PPP2R2B: variants seen among roughly 807,000 people sequenced by gnomAD.
PPP2R2B encodes the protein serine/threonine-protein phosphatase 2A 55 kDa regulatory subunit B beta isoform.
In PPP2R2B, 5 loss-of-function variants were observed where a neutral mutation model predicts 46.0. That is an observed-to-expected ratio of 0.11 (90% CI 0.06 to 0.23). The LOEUF is 0.23. Among genes scored for constraint, PPP2R2B ranks in the 10% least tolerant of loss-of-function variants. PPP2R2B has a pLI of 1.00. For synonymous variants in PPP2R2B, 215 were observed against 206.7 expected (o/e 1.04, Z -0.34); for missense variants, 367 against 575.0 (o/e 0.64, Z 3.70).
intron 2 of PPP2R2B, among the ~76,000 whole-genome samples, chr5:146,830,630 T>C (rs528846076): frequency 7.2e-4 from 110 of 151,996 alleles, no homozygotes; most frequent in African/African-American, 2.6e-3. Context: ...GTTCAAACAT[T>C]CTTGGCTAAT....
chr5:147,014,590 C>T (rs532910314), intron 1 of PPP2R2B, among the ~76,000 whole-genome samples: 7,312 of 152,112 alleles, frequency 0.048, 232 homozygotes, highest in Middle Eastern at 0.085. Context: ...TTTGCAGGGA[C>T]ATGGATGAAA....
intron 5 of PPP2R2B, among the ~76,000 whole-genome samples, chr5:146,675,882 G>A (rs988498884): frequency 2.6e-5 from 4 of 151,846 alleles, no homozygotes; most frequent in African/African-American, 7.3e-5. Flanking sequence ...TTTATATGTC[G>A]TAAGCAGTTC....
chr5:146,701,556 G>T (rs1779538211), intron 2 of PPP2R2B, among the ~76,000 whole-genome samples: 1 of 152,176 alleles, frequency 6.6e-6, no homozygotes, highest in African/African-American at 2.4e-5. Flanking sequence ...AGGGCTGGGG[G>T]CTGTGATGAA....
chr5:146,774,524 GAAT>G lies in PPP2R2B; in HGVS notation c.71-73385_71-73383del, dbSNP rs535533911. The stretch of plus-strand genomic sequence containing the variant: ...ACAGAAAAAAAAAATGGATGTAAGA[GAAT>G]ATTATAAGGCTGGGTGTGGTGACTC... On this transcript the variant is annotated intron_variant, in intron 2 of 9. Coordinates refer to ENST00000394411, the MANE Select transcript of PPP2R2B (RefSeq NM_181675.4). Among the ~76,000 whole-genome samples, 627 of 152,090 alleles carry G rather than the reference GAAT, an allele frequency of 4.1e-3. 3 individuals are homozygous for G. The highest frequency in any genetic ancestry group is 6.9e-3 in the Non-Finnish European group (469 of 67,974).
chr5:146,669,362 G>A (rs1441721388), intron 5 of PPP2R2B, among the ~76,000 whole-genome samples: 2 of 152,106 alleles, frequency 1.3e-5, no homozygotes, highest in African/African-American at 4.8e-5. Flanking sequence ...CCAATGGTCT[G>A]GGTGGATCTC....
chr5:146,878,888 C>T, upstream of PPP2R2B: 1 of 1,150,702 alleles, frequency 8.7e-7, no homozygotes, highest in Non-Finnish European at 1.1e-6. This position sits in a 1 kb window ranked among gnomAD's most constrained non-coding sequence, Gnocchi z 4.5. Flanking sequence ...TGCAGTGGGG[C>T]GCATGCAGCC....
intron 2 of PPP2R2B, among the ~76,000 whole-genome samples, chr5:146,755,598 A>T (rs1345547491): frequency 6.6e-6 from 1 of 152,238 alleles, no homozygotes; most frequent in African/African-American, 2.4e-5. Flanking sequence ...GAGCATCCAA[A>T]TTATTTTGAA....
intron 7 of PPP2R2B, among the ~76,000 whole-genome samples, chr5:146,616,640 T>C (rs535020027): frequency 1.3e-5 from 2 of 152,304 alleles, no homozygotes; most frequent in East Asian, 3.9e-4. Flanking sequence ...TCAACATCAC[T>C]GATCATTAGA....
At chr5:146,603,705 A>G (rs1393194713) in intron 7 of PPP2R2B, among the ~76,000 whole-genome samples, 1 of 152,238 alleles carries the variant, frequency 6.6e-6, no homozygotes, top group African/African-American at 2.4e-5. Context: ...TTTTGATGGG[A>G]AGCTTATAAT....
intron 5 of PPP2R2B, among the ~76,000 whole-genome samples, chr5:146,663,989 G>T (rs1303941998): frequency 2.0e-5 from 3 of 151,958 alleles, no homozygotes; most frequent in African/African-American, 7.3e-5. Context: ...TTACAGGCAC[G>T]TGCCACCACG....
intron 1 of PPP2R2B, among the ~76,000 whole-genome samples, chr5:146,888,480 A>G (rs1259802468): frequency 6.6e-6 from 1 of 152,160 alleles, no homozygotes; most frequent in Non-Finnish European, 1.5e-5. Flanking sequence ...ATATCAATAG[A>G]TTCGAACCAG....
At chr5:147,041,821 G>A (rs971338104) in intron 1 of PPP2R2B, among the ~76,000 whole-genome samples, 3 of 151,912 alleles carry the variant, frequency 2.0e-5, no homozygotes, top group Admixed American at 6.6e-5. Flanking sequence ...AAGCTTTGTT[G>A]ATGACAGTGT....
chr5:146,591,673 C>CA (rs375880724), intron 9 of PPP2R2B, among the ~76,000 whole-genome samples: 4,217 of 72,256 alleles, frequency 0.058, 199 homozygotes, highest in African/African-American at 0.16. Flanking sequence ...GATTATTTTC[C>CA]AAAAAAAAAA....
chr5:146,667,326 GCGCGCGCACACACACACACACACA>G (rs1581829756), intron 5 of PPP2R2B, among the ~76,000 whole-genome samples: 3 of 50,646 alleles, frequency 5.9e-5, no homozygotes, highest in South Asian at 6.0e-4. Context: ...GAATAGGCGT[GCGCGCGCACACACACACACACACA>G]CACACACACA....
chr5:146,802,828 G>T (rs1372863297), intron 2 of PPP2R2B, among the ~76,000 whole-genome samples: 2 of 152,092 alleles, frequency 1.3e-5, no homozygotes, highest in East Asian at 3.9e-4. Flanking sequence ...GTGCCCCAAG[G>T]CTCAGAAGCC....
At chr5:146,706,468 C>T (rs1779860655) in intron 2 of PPP2R2B, 3 of 1,135,878 alleles carry the variant, frequency 2.6e-6, no homozygotes, top group Non-Finnish European at 2.6e-6. Context: ...GTGGCGATCT[C>T]GATGTCCAGG....
intron 2 of PPP2R2B, among the ~76,000 whole-genome samples, chr5:146,715,449 A>G (rs1780442410): frequency 6.6e-6 from 1 of 152,204 alleles, no homozygotes; most frequent in Non-Finnish European, 1.5e-5. Context: ...GAGTTGGCCT[A>G]CTGCAAGCCA....
intron 2 of PPP2R2B, among the ~76,000 whole-genome samples, chr5:147,071,395 G>C (rs765268091): frequency 6.6e-6 from 1 of 152,118 alleles, no homozygotes; most frequent in African/African-American, 2.4e-5. Context: ...TCAACTAGTG[G>C]CTCTCTATTT....
At chr5:146,941,598 C>T (rs1293412800) in intron 1 of PPP2R2B, among the ~76,000 whole-genome samples, 1 of 152,130 alleles carries the variant, frequency 6.6e-6, no homozygotes, top group Non-Finnish European at 1.5e-5. Flanking sequence ...CTTTTGTGCC[C>T]ACCTGATAGA....
Sources: gnomAD v4.1 joint callset for allele counts (sites outside exome capture counted in the v4.1 genomes callset) on GRCh38, gnomAD v4.1.1 for gene constraint, Gnocchi (gnomAD v3.1) non-coding constraint, MANE v1.5 for transcripts, NCBI Gene and HGNC (gene_info 2026-07-23, HGNC 2026-07-21) for gene names.